Variants in CUBN observed in about 807,000 individuals in gnomAD.
CUBN encodes 460 kDa receptor.
CUBN carries 282 observed loss-of-function variants against 405.3 expected under a neutral mutation model. The observed-to-expected ratio is 0.70, with a 90% confidence interval of 0.63 to 0.77. The LOEUF is 0.77. CUBN is among the 30% of genes least tolerant of loss of function. CUBN has a pLI of 0.00. For missense variants in CUBN, 4,514 were observed against 4,475.2 expected (o/e 1.01, Z -0.25); for synonymous variants, 1,684 against 1,617.0 (o/e 1.04, Z -0.99).
rs372361501 is a variant in CUBN at position 16,950,003 on chromosome 10, C to A, written c.5078G>T (p.Arg1693Leu). Reference sequence around the variant, plus strand: ...TAGATGAGTGAACGCTGAGGTACCTCGGAGGGGCGCGTCTTCGTGGCCGCC... The same window carrying A: ...TAGATGAGTGAACGCTGAGGTACCTAGGAGGGGCGCGTCTTCGTGGCCGCC... ...LDGGHEDAPL[R>L]GRYCGTDMPH... is the part of the protein sequence containing the mutation. Residue 1693 changes from arginine to leucine, a missense_variant and splice_region_variant, in exon 34 of 67, where the codon CGA (arginine) becomes CTA (leucine). Around this residue, in one of 5 missense-constraint regions of CUBN, gnomAD observed 1,613 missense variants for 1,542.8 expected, o/e 1.05. Transcript: ENST00000377833. The A allele has an allele frequency of 3.1e-6, 5 of 1,611,874 alleles. No individual in the cohort carries two copies. The highest frequency in any genetic ancestry group is 2.5e-6 in the Non-Finnish European group (3 of 1,178,462).
At position 17,100,082 on chromosome 10, in the gene CUBN, G is replaced by A. The variant is rs2131295988; in HGVS notation, c.1688C>T (p.Ala563Val). The change falls in exon 14 of 67, where the codon GCT becomes GTT. Residue 563 changes from alanine to valine, a missense_variant. Physicochemically the swap from Ala to Val is moderately conservative, Grantham distance 64. This residue lies in a region of CUBN where 1,448 missense variants were observed against 1,388.0 expected (regional missense o/e 1.04). Coordinates refer to ENST00000377833, the MANE Select transcript of CUBN (RefSeq NM_001081.4). ...LPHELLSSDN[A>V]LYFHLYSEHL... ...TTCAGAATAGAGATGAAAATAGAGA[G>A]CATTGTCACTGCTGAGGAGTTCATG... 1.9e-6 allele frequency: 3 copies of A among 1,613,904 alleles called. No homozygotes were observed. The South Asian group carries it at 3.3e-5, about 18-fold the overall frequency.
intron 56 of CUBN, among the ~76,000 whole-genome samples, chr10:16,881,469 C>T (rs1840663710): frequency 1.3e-5 from 2 of 152,144 alleles, no homozygotes; most frequent in African/African-American, 4.8e-5. Flanking sequence ...TATTAAATGT[C>T]TGTATTGAAC....
chr10:16,887,175 G>C (rs1053814102), intron 56 of CUBN, among the ~76,000 whole-genome samples: 1 of 152,196 alleles, frequency 6.6e-6, no homozygotes, highest in Non-Finnish European at 1.5e-5. Context: ...CACTGGTTTG[G>C]TTAATAGTGT....
In CUBN at chr10:17,100,046, T is replaced by C. The variant is rs1326864370; in HGVS notation, c.1724A>G (p.Asn575Ser). 6.2e-7 allele frequency: 1 copy of C among 1,613,814 alleles called. No homozygotes were observed. The highest frequency in any genetic ancestry group is 8.5e-7 in the Non-Finnish European group (1 of 1,179,866). The change falls in exon 14 of 67, where the codon AAT (asparagine) becomes AGT (serine). Residue 575 changes from asparagine (N) to serine (S), a missense_variant. Around this residue, in one of 5 missense-constraint regions of CUBN, gnomAD observed 1,448 missense variants for 1,388.0 expected, o/e 1.04. Coordinates refer to ENST00000377833, the MANE Select transcript of CUBN (RefSeq NM_001081.4). ...YFHLYSEHLR[N>S]GRGFTVRWET... ...CCATCTTACTGTAAAGCCTCTCCCA[T>C]TTCTTAAATGTTCAGAATAGAGATG...
intron 66 of CUBN, among the ~76,000 whole-genome samples, chr10:16,828,134 C>G (rs1838846432): frequency 6.6e-6 from 1 of 151,956 alleles, no homozygotes; most frequent in African/African-American, 2.4e-5. Flanking sequence ...GGGTATTCAA[C>G]CCTAGGCAGT....
At chr10:16,948,674 C>T (rs1014962567) in intron 34 of CUBN, 68 bp from the exon 35 acceptor site, 46 of 1,591,472 alleles carry the variant, frequency 2.9e-5, no homozygotes, top group South Asian at 2.8e-4. Context: ...TTCTAGGAAA[C>T]ACATCTTTAC....
chr10:16,851,726 C>T (rs1252591538), intron 59 of CUBN, among the ~76,000 whole-genome samples: 1 of 139,564 alleles, frequency 7.2e-6, no homozygotes, highest in Admixed American at 7.2e-5. Context: ...CCATCTTTCC[C>T]TCCCTCCCTC....
chr10:16,891,334 G>A (rs1289298297), intron 54 of CUBN, among the ~76,000 whole-genome samples: 2 of 152,180 alleles, frequency 1.3e-5, no homozygotes, highest in Admixed American at 6.5e-5. Flanking sequence ...GCATTATGAT[G>A]GGGCTGTTGA....
intron 27 of CUBN, among the ~76,000 whole-genome samples, chr10:17,028,226 T>TTTATTATTA (rs57633202): frequency 1.3e-3 from 193 of 144,176 alleles, no homozygotes; most frequent in African/African-American, 2.7e-3. Context: ...ACACTAAACA[T>TTTATTATTA]TTATTATTAT....
At chr10:16,891,165 A>G (rs962335607) in intron 54 of CUBN, among the ~76,000 whole-genome samples, 8 of 152,178 alleles carry the variant, frequency 5.3e-5, no homozygotes, top group African/African-American at 1.7e-4. Context: ...GGCCACCTCG[A>G]ATGACTGAAT....
At chr10:16,953,676 C>T (rs1842975683) in intron 32 of CUBN, among the ~76,000 whole-genome samples, 1 of 151,838 alleles carries the variant, frequency 6.6e-6, no homozygotes, top group Non-Finnish European at 1.5e-5. Flanking sequence ...GGCAACAGAG[C>T]AGATCCCATC....
Position 17,088,169 on chromosome 10 carries a change from G to C in CUBN, c.1942C>G (p.Leu648Val). ...ATCTAAATATAATTATTTACCTCAA[G>C]GTAATCTTTGTTGCAGTCATCATGG... Reference protein sequence around the residue: ...EHHDDCNKDYLEIRDGPLYQD... With the variant: ...EHHDDCNKDYVEIRDGPLYQD... Residue 648 changes from leucine to valine, a missense_variant, in exon 15 of 67, where the codon CTT becomes GTT. Transcript: ENST00000377833. 6.2e-7 allele frequency: 1 copy of C among 1,610,080 alleles called. No individual in the cohort carries two copies. Among genetic ancestry groups the C allele is most frequent in the Non-Finnish European group, 8.5e-7 (1 of 1,176,436 alleles).
chr10:17,079,235 CTTTTTT>C (rs34189586), intron 17 of CUBN, among the ~76,000 whole-genome samples: 1 of 124,522 alleles, frequency 8.0e-6, no homozygotes, highest in Non-Finnish European at 1.6e-5. Context: ...AATGCAAACT[CTTTTTT>C]TTTTTTTTTT....
intron 28 of CUBN, among the ~76,000 whole-genome samples, chr10:17,015,153 C>G (rs1834293168): frequency 6.6e-6 from 1 of 152,160 alleles, no homozygotes; most frequent in South Asian, 2.1e-4. Context: ...TTAACAATAT[C>G]CTGTAATCCT....
At chr10:16,981,468 T>G (rs1833270661) in intron 31 of CUBN, among the ~76,000 whole-genome samples, 1 of 152,106 alleles carries the variant, frequency 6.6e-6, no homozygotes, top group Non-Finnish European at 1.5e-5. Context: ...TGTAAAAGGC[T>G]GTCACCCTGA....
At chr10:16,835,229 A>T in intron 63 of CUBN, 34 bp from the exon 64 acceptor site, 1 of 1,517,220 alleles carries the variant, frequency 6.6e-7, no homozygotes, top group South Asian at 1.1e-5. Flanking sequence ...TAATGTACGC[A>T]TTCCAATATT....
intron 27 of CUBN, among the ~76,000 whole-genome samples, chr10:17,032,747 C>T (rs1834812476): frequency 6.6e-6 from 1 of 152,162 alleles, no homozygotes; most frequent in Admixed American, 6.5e-5. Flanking sequence ...ATAATGTTTT[C>T]CTCAGAATGT....
chr10:17,124,247 T>G (rs1227750571), intron 4 of CUBN, among the ~76,000 whole-genome samples: 11 of 152,152 alleles, frequency 7.2e-5, no homozygotes. Context: ...ACCCTGGTGC[T>G]CACCTGACTG....
chr10:16,856,613 T>C (rs1839876362), intron 59 of CUBN, among the ~76,000 whole-genome samples: 1 of 152,200 alleles, frequency 6.6e-6, no homozygotes, highest in Non-Finnish European at 1.5e-5. Context: ...TGGAGTTAGA[T>C]ACATTTTTAA....
Sources: allele counts gnomAD v4.1 joint callset (sites outside exome capture counted in the v4.1 genomes callset), GRCh38; gene constraint gnomAD v4.1.1; regional missense constraint gnomAD v4.1.1; transcripts MANE v1.5; gene names NCBI Gene and HGNC (gene_info 2026-07-23, HGNC 2026-07-21).